Variants in CHD6 observed in about 807,000 individuals in gnomAD.
CHD6 encodes ATP-dependent chromatin remodeler CHD6.
Under a neutral mutation model 276.9 loss-of-function variants are expected in CHD6, and 50 were observed. The observed-to-expected ratio is 0.18, with a 90% CI of 0.14 to 0.23. The LOEUF (loss-of-function observed/expected upper bound fraction) is 0.23. Among genes scored for constraint, CHD6 ranks in the 10% least tolerant of loss-of-function variants. The pLI is 1.00. For synonymous variants in CHD6, 1,173 were observed against 1,229.3 expected, an observed-to-expected ratio of 0.95 and a Z score of 0.96; for missense variants, 2,564 against 3,365.8, an observed-to-expected ratio of 0.76 and a Z score of 5.89.
At chr20:41,605,980 AG>A (rs2045823393) in intron 1 of CHD6, among the ~76,000 whole-genome samples, 1 of 152,246 alleles carries the variant, frequency 6.6e-6, no homozygotes, top group Non-Finnish European at 1.5e-5. Context: ...TGCACCCATG[AG>A]GACCACAATT....
intron 1 of CHD6, among the ~76,000 whole-genome samples, chr20:41,553,017 G>A (rs370958355): frequency 3.3e-5 from 5 of 152,152 alleles, no homozygotes; most frequent in South Asian, 2.1e-4. Context: ...CTGAACCAAC[G>A]CAGTTAAAAT....
chr20:41,438,744 C>T (rs1292761260), intron 26 of CHD6, among the ~76,000 whole-genome samples: 3 of 152,168 alleles, frequency 2.0e-5, no homozygotes, highest in Non-Finnish European at 4.4e-5. Flanking sequence ...AGCCTTTATG[C>T]CACATTCAGG....
At chr20:41,520,277 T>C (rs2044357628) in intron 3 of CHD6, among the ~76,000 whole-genome samples, 1 of 152,180 alleles carries the variant, frequency 6.6e-6, no homozygotes, top group African/African-American at 2.4e-5. Flanking sequence ...TCCTCAGGGA[T>C]CTAGAAGTAG....
rs542444667 is a variant in CHD6 at position 41,499,150 on chromosome 20, A to G, written c.915+145T>C. ...CCTAAAATGCTCTACAGGGGTAAAA[A>G]TAAGTGTTGGCTAGCCAGACAATAT... is the stretch of plus-strand genomic sequence containing the variant. On this transcript the variant is annotated intron_variant, in intron 6 of 36. Coordinates refer to ENST00000373233, the MANE Select transcript of CHD6 (RefSeq NM_032221.5). The G allele has an allele frequency of 2.6e-5, 15 of 573,130 alleles. 1 individual carries two copies. Among genetic ancestry groups the G allele is most frequent in the South Asian group, 2.3e-4 (9 of 38,386 alleles). The allele number at this position is 573,130 out of a possible 1,614,324, so 35.5% of individuals were successfully genotyped here.
rs2046564979 is a variant in CHD6, at chr20:41,402,610, T to C, written c.*1983A>G. Reference sequence around the variant, plus strand: ...TCAAGATACAGGAATTTTTATAGCATTTGTATTTTAAGGATTTAGGGCAAA... The same window carrying C: ...TCAAGATACAGGAATTTTTATAGCACTTGTATTTTAAGGATTTAGGGCAAA... On this transcript the variant is annotated 3_prime_UTR_variant, in exon 37 of 37. Transcript: ENST00000373233. 1 of 225,950 alleles carries C rather than the reference T, an allele frequency of 4.4e-6. No homozygotes were observed. The highest frequency in any genetic ancestry group is 2.2e-5 in the African/African-American group (1 of 44,952). The allele number at this position is 225,950 out of a possible 1,614,324, so 14.0% of individuals were successfully genotyped here. A position where few individuals can be genotyped will look rare whatever the true frequency, so the allele number is the denominator to read the frequency against.
At chr20:41,480,248 G>T (rs1348126118) in intron 16 of CHD6, among the ~76,000 whole-genome samples, 2 of 152,152 alleles carry the variant, frequency 1.3e-5, no homozygotes, top group African/African-American at 4.8e-5. Context: ...ACTCTGTGGG[G>T]AACAGCAACA....
At chr20:41,472,727 A>G (rs2043083429) in intron 17 of CHD6, among the ~76,000 whole-genome samples, 1 of 152,222 alleles carries the variant, frequency 6.6e-6, no homozygotes, top group Non-Finnish European at 1.5e-5. Flanking sequence ...CTTTCAAAAA[A>G]TATATCAACT....
chr20:41,597,002 A>G (rs542235455), intron 1 of CHD6, among the ~76,000 whole-genome samples: 1 of 152,328 alleles, frequency 6.6e-6, no homozygotes, highest in Admixed American at 6.5e-5. Context: ...CAAAACCTGT[A>G]AAGAACTTAA....
intron 1 of CHD6, among the ~76,000 whole-genome samples, chr20:41,601,241 CCT>C (rs1318503722): frequency 2.0e-5 from 3 of 152,140 alleles, no homozygotes; most frequent in African/African-American, 4.8e-5. Context: ...GTTTATTTCC[CCT>C]GAGATCACAT....
intron 1 of CHD6, among the ~76,000 whole-genome samples, chr20:41,596,040 TC>T (rs1360179539): frequency 6.6e-6 from 1 of 151,666 alleles, no homozygotes; most frequent in Non-Finnish European, 1.5e-5. Flanking sequence ...TAGACAACCT[TC>T]CCCCACCCAC....
chr20:41,492,652 G>A (rs2043582603), intron 10 of CHD6, among the ~76,000 whole-genome samples: 1 of 152,212 alleles, frequency 6.6e-6, no homozygotes, highest in South Asian at 2.1e-4. Flanking sequence ...TGGGTGTGGT[G>A]GCTCACGCCA....
At position 41,551,343 on chromosome 20, in the gene CHD6, G is replaced by A. The variant is rs1161501228; in HGVS notation, c.-6C>T. 12 of 1,410,034 alleles carry A rather than the reference G, an allele frequency of 8.5e-6. No individual in the cohort carries two copies. The highest frequency in any genetic ancestry group is 1.2e-5 in the Non-Finnish European group (12 of 1,004,348). The allele number at this position is 1,410,034 out of a possible 1,614,324, so 87.3% of individuals were successfully genotyped here. A position where few individuals can be genotyped will look rare whatever the true frequency, so the allele number is the denominator to read the frequency against. On this transcript the variant is annotated 5_prime_UTR_variant, in exon 2 of 37. Transcript: ENST00000373233. ...TTCTGTATTTTCATTTTCATCTATT[G>A]AAGGAAGATATTTATTTCTGTAAAA...
rs750599142 is a variant in CHD6 at position 41,415,308 on chromosome 20, C to T, written c.6817G>A (p.Val2273Ile). 6.2e-7 allele frequency: 1 copy of T among 1,614,206 alleles called. No individual in the cohort carries two copies. Among genetic ancestry groups the T allele is most frequent in the Admixed American group, 1.7e-5 (1 of 60,022 alleles). Reference sequence around the variant, plus strand: ...TCATCTCTTCTGAGGCTTCCATTGACAATCTGTCCAGTCACAGGATGGATC... The same window carrying T: ...TCATCTCTTCTGAGGCTTCCATTGATAATCTGTCCAGTCACAGGATGGATC... ...GLIHPVTGQIVNGSLRRDDAA... is the reference protein window; with the variant it reads ...GLIHPVTGQIINGSLRRDDAA... Residue 2273 changes from valine (V) to isoleucine (I), a missense_variant, in exon 34 of 37, where the codon GTC becomes ATC. Physicochemically the swap from Val to Ile is conservative, Grantham distance 29. This residue lies in a region of CHD6 where 1,024 missense variants were observed against 1,047.9 expected (regional missense o/e 0.98). Transcript: ENST00000373233.
At position 41,405,154 on chromosome 20, in the gene CHD6, G is replaced by A. The variant is rs1361041766; in HGVS notation, c.7587C>T (p.Pro2529=). 2.5e-6 allele frequency: 4 copies of A among 1,614,198 alleles called. No individual in the cohort carries two copies. The highest frequency in any genetic ancestry group is 2.5e-6 in the Non-Finnish European group (3 of 1,180,038). The part of the protein sequence containing the change: ...PMMLPGMAAV[P]QMFGVGGLLS... ...GGAGTCCCCCAACACCAAACATCTG[G>A]GGCACAGCAGCCATGCCTGGCAGCA... The change falls in exon 37 of 37, where the codon CCC becomes CCT. Residue 2529 remains proline (P), a synonymous_variant. Coordinates refer to ENST00000373233, the MANE Select transcript of CHD6 (RefSeq NM_032221.5).
chr20:41,609,908 G>A (rs1378304955), intron 1 of CHD6, among the ~76,000 whole-genome samples: 5 of 146,872 alleles, frequency 3.4e-5, no homozygotes, highest in Non-Finnish European at 7.4e-5. Flanking sequence ...CAAGGCTGGA[G>A]GGCAGTGGCA....
chr20:41,499,263 T>C (rs371874672), intron 6 of CHD6, 32 bp downstream of exon 6: 62 of 1,536,194 alleles, frequency 4.0e-5, no homozygotes, highest in Non-Finnish European at 4.6e-5. Flanking sequence ...TCTGTGCTAA[T>C]GATATAAAAG....
At chr20:41,409,566 A>G (rs2046782136) in intron 36 of CHD6, among the ~76,000 whole-genome samples, 1 of 152,188 alleles carries the variant, frequency 6.6e-6, no homozygotes, top group Non-Finnish European at 1.5e-5. Flanking sequence ...GAAGGTTAGT[A>G]CATTCATCCA....
chr20:41,574,477 C>T (rs1252080894), intron 1 of CHD6, among the ~76,000 whole-genome samples: 2 of 152,058 alleles, frequency 1.3e-5, no homozygotes, highest in African/African-American at 4.8e-5. Flanking sequence ...CTGTATACTC[C>T]TTAATTTACA....
chr20:41,476,970 C>T (rs1469008634), intron 16 of CHD6, among the ~76,000 whole-genome samples: 1 of 152,034 alleles, frequency 6.6e-6, no homozygotes, highest in East Asian at 1.9e-4. Flanking sequence ...GGTATGGTGG[C>T]TCACTCTTGT....
Sources: gnomAD v4.1 joint callset for allele counts (sites outside exome capture counted in the v4.1 genomes callset) on GRCh38, gnomAD v4.1.1 for gene constraint, gnomAD v4.1.1 regional missense constraint, MANE v1.5 for transcripts, NCBI Gene and HGNC (gene_info 2026-07-23, HGNC 2026-07-21) for gene names.